RAF1: variants seen among roughly 807,000 people sequenced by gnomAD.
RAF1 encodes the protein Raf-1 proto-oncogene, serine/threonine kinase.
A neutral mutation model predicts 81.1 loss-of-function variants in RAF1; 27 were observed. The observed-to-expected ratio is 0.33, with a 90% CI of 0.25 to 0.46. The LOEUF (loss-of-function observed/expected upper bound fraction) is 0.46, where lower values mean the gene tolerates loss of function less well. Ranked by LOEUF, RAF1 falls within the 20% of genes least tolerant of loss-of-function variation. RAF1 has a pLI of 1.00. For missense variants in RAF1, 598 were observed against 826.0 expected (o/e 0.72, Z 3.38); for synonymous variants, 298 against 294.0 (o/e 1.01, Z -0.14).
rs1173631330 is a variant in RAF1 at position 12,587,420 on chromosome 3, A to G, written c.1477+171T>C. Reference sequence around the variant, plus strand: ...AGTCCAGGTGAGGCATAAGCTGCTGAGGGACAGGCCAAGCCTACTAATTTT... The same window carrying G: ...AGTCCAGGTGAGGCATAAGCTGCTGGGGGACAGGCCAAGCCTACTAATTTT... On this transcript the variant is annotated intron_variant, in intron 14 of 17. Transcript: ENST00000442415. 9 of 716,056 alleles carry G rather than the reference A, an allele frequency of 1.3e-5. No homozygotes were observed. The East Asian group carries it at 2.2e-4, about 18-fold the overall frequency. The allele number at this position is 716,056 out of a possible 1,614,324, so 44.4% of individuals were successfully genotyped here.
chr3:12,631,439 A>C (rs1248674973), intron 1 of RAF1, among the ~76,000 whole-genome samples: 1 of 148,106 alleles, frequency 6.8e-6, no homozygotes, highest in Admixed American at 7.0e-5. Context: ...TCTACTAAAA[A>C]TACGAAAAAA....
intron 11 of RAF1, among the ~76,000 whole-genome samples, chr3:12,593,363 A>C (rs528296661): frequency 6.6e-6 from 1 of 151,988 alleles, no homozygotes; most frequent in South Asian, 2.1e-4. Context: ...TTACAAGCGT[A>C]AGCCACCCCA....
intron 1 of RAF1, among the ~76,000 whole-genome samples, chr3:12,635,318 C>CAAAA (rs71063852): frequency 7.2e-5 from 2 of 27,598 alleles, no homozygotes; most frequent in African/African-American, 1.5e-4. Flanking sequence ...GACCCTGTCT[C>CAAAA]AAAAAAAAAA....
chr3:12,599,621 G>T, intron 11 of RAF1, 70 bp downstream of exon 10: 1 of 1,161,852 alleles, frequency 8.6e-7, no homozygotes, highest in Non-Finnish European at 1.3e-6. Flanking sequence ...TCCTCCTCCT[G>T]GCCCCCTGGG....
chr3:12,661,811 G>C (rs767880268), intron 1 of RAF1, among the ~76,000 whole-genome samples: 2 of 151,998 alleles, frequency 1.3e-5, no homozygotes, highest in African/African-American at 2.4e-5. Context: ...AGAATTTTTT[G>C]CAAGAATCCC....
chr3:12,656,719 C>T (rs2060705036), intron 1 of RAF1, among the ~76,000 whole-genome samples: 1 of 152,068 alleles, frequency 6.6e-6, no homozygotes, highest in Non-Finnish European at 1.5e-5. Context: ...TCAACTTGGC[C>T]ACTGCGGTGG....
At chr3:12,653,492 T>A (rs563123410) in intron 1 of RAF1, among the ~76,000 whole-genome samples, 1 of 152,152 alleles carries the variant, frequency 6.6e-6, no homozygotes, top group Non-Finnish European at 1.5e-5. Flanking sequence ...ATTCCTGTCA[T>A]CTTAGCACTT....
At chr3:12,636,243 G>A (rs2060026136) in intron 1 of RAF1, among the ~76,000 whole-genome samples, 3 of 150,784 alleles carry the variant, frequency 2.0e-5, no homozygotes, top group African/African-American at 4.9e-5. Flanking sequence ...CTGAGACTGC[G>A]ACACTGCACT....
At chr3:12,595,879 CTTT>C (rs35282213) in intron 11 of RAF1, among the ~76,000 whole-genome samples, 1 of 144,874 alleles carries the variant, frequency 6.9e-6, no homozygotes, top group Non-Finnish European at 1.5e-5. Context: ...CCTTAAGTTT[CTTT>C]TTTTTTTTTT....
chr3:12,636,851 C>T (rs2125518431), intron 1 of RAF1, among the ~76,000 whole-genome samples: 1 of 152,064 alleles, frequency 6.6e-6, no homozygotes, highest in East Asian at 1.9e-4. Flanking sequence ...CATCAATGAA[C>T]AGCAGCGGCA....
At chr3:12,663,608 G>A (rs1398153266) in intron 1 of RAF1, among the ~76,000 whole-genome samples, 2 of 152,238 alleles carry the variant, frequency 1.3e-5, no homozygotes, top group Admixed American at 1.3e-4. Context: ...TGGGATGTGG[G>A]AACTCGGCTC....
intron 1 of RAF1, among the ~76,000 whole-genome samples, chr3:12,645,686 T>A (rs997420589): frequency 1.3e-5 from 2 of 152,168 alleles, no homozygotes; most frequent in South Asian, 2.1e-4. Flanking sequence ...TTAAGAGCTA[T>A]CTAGAAGAGT....
intron 2 of RAF1, among the ~76,000 whole-genome samples, chr3:12,615,414 A>G (rs1354634448): frequency 1.3e-5 from 2 of 152,218 alleles, no homozygotes; most frequent in Non-Finnish European, 2.9e-5. Context: ...CCATGGATAC[A>G]TGCTGAAATC....
At chr3:12,617,480 T>G (rs1195600599) in intron 2 of RAF1, among the ~76,000 whole-genome samples, 1 of 152,166 alleles carries the variant, frequency 6.6e-6, no homozygotes. Flanking sequence ...CTCGAACTCC[T>G]GAGCTCAAGC....
intron 1 of RAF1, among the ~76,000 whole-genome samples, chr3:12,639,480 C>G (rs894544109): frequency 5.3e-5 from 8 of 152,198 alleles, no homozygotes; most frequent in Non-Finnish European, 7.3e-5. Flanking sequence ...ACCTCATCGT[C>G]TCAGCCCAAA....
chr3:12,619,106 G>A (rs569566659), intron 1 of RAF1, among the ~76,000 whole-genome samples: 2 of 152,126 alleles, frequency 1.3e-5, no homozygotes, highest in South Asian at 2.1e-4. Context: ...TTAGCCGGGC[G>A]TGGTGGCGGG....
At chr3:12,598,725 C>CAAAAGAAAAAAA (rs2058759333) in intron 11 of RAF1, among the ~76,000 whole-genome samples, 1 of 61,968 alleles carries the variant, frequency 1.6e-5, no homozygotes, top group Non-Finnish European at 3.1e-5. Flanking sequence ...GAATCTATCT[C>CAAAAGAAAAAAA]AAAAAAAAAA....
intron 2 of RAF1, among the ~76,000 whole-genome samples, chr3:12,616,986 G>A (rs2059387719): frequency 6.6e-6 from 1 of 152,180 alleles, no homozygotes; most frequent in Admixed American, 6.5e-5. Context: ...CCAGGCTGGG[G>A]TGAAGTGGTG....
chr3:12,603,951 T>C (rs751731525), intron 7 of RAF1, among the ~76,000 whole-genome samples, 185 bp downstream of exon 7: 1 of 152,246 alleles, frequency 6.6e-6, no homozygotes, highest in African/African-American at 2.4e-5. Flanking sequence ...AGTTGAATGA[T>C]ATACTAACCA....
Sources: allele counts gnomAD v4.1 joint callset (sites outside exome capture counted in the v4.1 genomes callset), GRCh38; gene constraint gnomAD v4.1.1; transcripts MANE v1.5; gene names NCBI Gene and HGNC (gene_info 2026-07-23, HGNC 2026-07-21).